Variants in MCTP1 observed in about 807,000 individuals in gnomAD.
MCTP1 encodes multiple C2 and transmembrane domain-containing protein 1.
MCTP1 carries 69 observed loss-of-function variants against 120.6 expected under a neutral mutation model. The observed-to-expected ratio is 0.57, with a 90% CI of 0.47 to 0.70. MCTP1 has a LOEUF of 0.70. Among genes scored for constraint, MCTP1 ranks in the 30% least tolerant of loss-of-function variants. MCTP1 has a pLI of 0.00. For synonymous variants in MCTP1, 529 were observed against 493.1 expected (o/e 1.07, Z -0.96); for missense variants, 1,203 against 1,248.8 (o/e 0.96, Z 0.55).
intron 19 of MCTP1, among the ~76,000 whole-genome samples, chr5:94,723,844 T>C (rs1348473046): frequency 1.3e-5 from 2 of 150,364 alleles, no homozygotes; most frequent in Non-Finnish European, 3.0e-5. Context: ...CTCTAAATGT[T>C]AAAATAAAAG....
At chr5:94,727,423 T>G (rs1762342253) in intron 19 of MCTP1, among the ~76,000 whole-genome samples, 1 of 152,216 alleles carries the variant, frequency 6.6e-6, no homozygotes, top group Admixed American at 6.5e-5. Flanking sequence ...TTTCAAACAC[T>G]ACTGGTATTT....
rs750346419 is a variant in MCTP1 at position 94,940,133 on chromosome 5, A to G, written c.1124T>C (p.Ile375Thr). The change falls in exon 5 of 23, where the codon ATT becomes ACT. Residue 375 changes from isoleucine to threonine, a missense_variant. By Grantham distance (89) the Ile-to-Thr change is moderately conservative (BLOSUM62 -1). Transcript: ENST00000515393. ...PHYPDHDLGIILLSVILTPKE... is the reference protein window; with the variant it reads ...PHYPDHDLGITLLSVILTPKE... ...AGGGGTAAGGATGACTGAGAGCAAAATGATTCCAAGATCATGGTCAGGATA... is the reference window on the plus strand; with the variant it reads ...AGGGGTAAGGATGACTGAGAGCAAAGTGATTCCAAGATCATGGTCAGGATA... The G allele has an allele frequency of 1.2e-6, 2 of 1,610,314 alleles. No individual in the cohort carries two copies. The highest frequency in any genetic ancestry group is 1.7e-6 in the Non-Finnish European group (2 of 1,177,464).
chr5:94,732,824 C>T (rs1045463888), intron 19 of MCTP1, among the ~76,000 whole-genome samples: 1 of 152,208 alleles, frequency 6.6e-6, no homozygotes, highest in Non-Finnish European at 1.5e-5. Flanking sequence ...CTTGGACTTT[C>T]TAGCCTCCAG....
intron 19 of MCTP1, among the ~76,000 whole-genome samples, chr5:94,775,469 G>A (rs1172620309): frequency 6.6e-6 from 1 of 152,132 alleles, no homozygotes; most frequent in Non-Finnish European, 1.5e-5. Flanking sequence ...CTCCTCCTAG[G>A]TAATTTAGCT....
intron 1 of MCTP1, among the ~76,000 whole-genome samples, chr5:95,159,990 C>T (rs1210215166): frequency 2.0e-5 from 3 of 152,242 alleles, no homozygotes; most frequent in Non-Finnish European, 4.4e-5. Flanking sequence ...GTTTGGGGAA[C>T]TGCAAGTAGC....
chr5:94,725,568 A>T (rs1761954858), intron 19 of MCTP1, among the ~76,000 whole-genome samples: 1 of 152,222 alleles, frequency 6.6e-6, no homozygotes, highest in South Asian at 2.1e-4. Context: ...ATTTTCAAAT[A>T]TGTGTTTGAA....
chr5:94,903,040 T>G (rs2153422957), intron 10 of MCTP1, among the ~76,000 whole-genome samples: 1 of 152,296 alleles, frequency 6.6e-6, no homozygotes, highest in South Asian at 2.1e-4. Context: ...CCTAATATAT[T>G]TTGTTTAGGT....
rs939856420 is a variant in MCTP1, at chr5:95,283,805, G to A, written c.720+51C>T. The A allele has an allele frequency of 1.4e-5, 18 of 1,308,246 alleles. No homozygotes were observed. In the African/African-American group the frequency reaches 2.7e-4, roughly 19 times the overall value. The allele number at this position is 1,308,246 out of a possible 1,614,324, so 81.0% of individuals were successfully genotyped here. ...TCCCCGGGTGGTGAACGCCTGAAGA[G>A]GGAGGCGTGGTCCCGCGCACCTTGT... On this transcript the variant is annotated intron_variant, in intron 1 of 22. Transcript: ENST00000515393.
intron 9 of MCTP1, among the ~76,000 whole-genome samples, chr5:94,912,113 G>T (rs1242447201): frequency 6.6e-6 from 1 of 151,986 alleles, no homozygotes; most frequent in East Asian, 1.9e-4. Flanking sequence ...AGATTTTTAT[G>T]GCATGTAAAA....
intron 1 of MCTP1, among the ~76,000 whole-genome samples, chr5:95,267,628 G>T (rs1388754166): frequency 6.6e-6 from 1 of 152,204 alleles, no homozygotes; most frequent in Non-Finnish European, 1.5e-5. Context: ...AGACAACTTT[G>T]TGAGTACAAT....
chr5:95,220,541 T>G (rs1169058807), intron 1 of MCTP1, among the ~76,000 whole-genome samples: 1 of 152,308 alleles, frequency 6.6e-6, no homozygotes, highest in Middle Eastern at 3.4e-3. Context: ...AAGACTTTGA[T>G]GTTGAGGCCA....
intron 18 of MCTP1, among the ~76,000 whole-genome samples, chr5:94,784,294 G>A (rs1035503948): frequency 3.9e-5 from 6 of 152,014 alleles, no homozygotes; most frequent in Non-Finnish European, 7.4e-5. Flanking sequence ...AAACCAAGCA[G>A]AACATGCATT....
At chr5:95,067,269 G>A (rs1582125516) in intron 1 of MCTP1, among the ~76,000 whole-genome samples, 1 of 152,112 alleles carries the variant, frequency 6.6e-6, no homozygotes, top group Non-Finnish European at 1.5e-5. Context: ...TCAAAATATC[G>A]AAAGGAGGGG....
intron 3 of MCTP1, among the ~76,000 whole-genome samples, chr5:94,947,578 AGAG>A: frequency 3.4e-5 from 1 of 29,238 alleles, no homozygotes; most frequent in Admixed American, 3.8e-4. Flanking sequence ...ATATATATAT[AGAG>A]AGAGAGAGAG....
chr5:94,915,259 T>C (rs1332866725), intron 8 of MCTP1, among the ~76,000 whole-genome samples: 2 of 152,186 alleles, frequency 1.3e-5, no homozygotes, highest in Non-Finnish European at 1.5e-5. Flanking sequence ...TGCTCATAAA[T>C]GGTAGATATA....
Position 94,878,321 on chromosome 5 carries a change from A to G in MCTP1, c.1934-5080T>C, listed in dbSNP as rs148669044. 9.9e-5 allele frequency among the ~76,000 whole-genome samples: 15 copies of G among 152,218 alleles called. No homozygotes were observed. The East Asian group carries it at 2.9e-3, about 29-fold the overall frequency. ...TCCTTTTCCATCAACTGACCTAAAC[A>G]TATTTTAAACATCTGATTGGTAGAA... On this transcript the variant is annotated intron_variant, in intron 12 of 22. Coordinates refer to ENST00000515393, the MANE Select transcript of MCTP1 (RefSeq NM_024717.7).
In MCTP1 at chr5:94,910,686, A is replaced by G. The variant is rs186066110; in HGVS notation, c.1522-1305T>C. On this transcript the variant is annotated intron_variant, in intron 9 of 22. Coordinates refer to ENST00000515393, the MANE Select transcript of MCTP1 (RefSeq NM_024717.7). ...CATACCTAAAGAGCAGAACTATAAA[A>G]ATAAGTAATGTTTTTAGCCTAACTA... Among the ~76,000 whole-genome samples, 598 of 152,328 alleles carry G rather than the reference A, an allele frequency of 3.9e-3. 4 individuals are homozygous for G. The highest frequency in any genetic ancestry group is 0.014 in the African/African-American group (564 of 41,578).
chr5:94,824,394 T>C (rs570970559), intron 17 of MCTP1, among the ~76,000 whole-genome samples: 1 of 152,352 alleles, frequency 6.6e-6, no homozygotes, highest in African/African-American at 2.4e-5. Context: ...GGGATGAAGC[T>C]GACTTGGTAG....
chr5:95,258,089 T>G (rs79061196), intron 1 of MCTP1, among the ~76,000 whole-genome samples: 2 of 152,298 alleles, frequency 1.3e-5, no homozygotes, highest in East Asian at 3.9e-4. Flanking sequence ...CTTTTCACCT[T>G]TTAAGGATAA....
Sources: allele counts gnomAD v4.1 joint callset (sites outside exome capture counted in the v4.1 genomes callset), GRCh38; gene constraint gnomAD v4.1.1; transcripts MANE v1.5; gene names NCBI Gene and HGNC (gene_info 2026-07-23, HGNC 2026-07-21).